The following TRIM33 variants were observed in gnomAD, a reference collection of about 807,000 sequenced individuals.
TRIM33 encodes tripartite motif containing 33.
A neutral mutation model predicts 125.4 loss-of-function variants in TRIM33; 20 were observed. The observed-to-expected ratio is 0.16, with a 90% confidence interval of 0.11 to 0.23. TRIM33 has a LOEUF of 0.23. Among genes scored for constraint, TRIM33 ranks in the 10% least tolerant of loss-of-function variants. The pLI, the probability that TRIM33 is intolerant of heterozygous loss-of-function variation, is 1.00. For missense variants in TRIM33, 920 were observed against 1,411.4 expected, an observed-to-expected ratio of 0.65 and a Z score of 5.58; for synonymous variants, 564 against 513.9, an observed-to-expected ratio of 1.10 and a Z score of -1.32.
At chr1:114,467,919 T>G (rs1650401898) in intron 1 of TRIM33, among the ~76,000 whole-genome samples, 1 of 152,158 alleles carries the variant, frequency 6.6e-6, no homozygotes, top group African/African-American at 2.4e-5. Flanking sequence ...CAGATATATT[T>G]TCAGATAGAG....
chr1:114,403,182 C>T (rs1206519067), intron 15 of TRIM33, among the ~76,000 whole-genome samples: 4 of 152,174 alleles, frequency 2.6e-5, no homozygotes, highest in African/African-American at 9.7e-5. Context: ...AAGACCAATT[C>T]TCTCAGATCC....
At chr1:114,413,558 CAAAAAAA>C (rs34268626) in intron 11 of TRIM33, among the ~76,000 whole-genome samples, 2 of 40,806 alleles carry the variant, frequency 4.9e-5, no homozygotes, top group Non-Finnish European at 8.4e-5. Flanking sequence ...AACTCCATCT[CAAAAAAA>C]AAAAAAAAGA....
Position 114,508,197 on chromosome 1 carries a change from T to G in TRIM33, c.526+2354A>C, listed in dbSNP as rs1049815538. 6.6e-5 allele frequency among the ~76,000 whole-genome samples: 10 copies of G among 152,142 alleles called. 1 individual carries two copies. Among genetic ancestry groups the G allele is most frequent in the African/African-American group, 2.4e-4 (10 of 41,426 alleles). ...ATATTGGTTAGAGAGAAATATTACT[T>G]AAGATTGACAGCATTTGGTTAGTCC... On this transcript the variant is annotated intron_variant, in intron 1 of 19. Transcript: ENST00000358465.
intron 1 of TRIM33, among the ~76,000 whole-genome samples, chr1:114,476,869 G>C (rs897041594): frequency 6.6e-6 from 1 of 152,096 alleles, no homozygotes; most frequent in African/African-American, 2.4e-5. Flanking sequence ...AATCCAGATA[G>C]TTATACAGGA....
intron 1 of TRIM33, among the ~76,000 whole-genome samples, chr1:114,506,950 T>C (rs1316020477): frequency 6.6e-6 from 1 of 152,206 alleles, no homozygotes; most frequent in African/African-American, 2.4e-5. Flanking sequence ...AACCAGTCTC[T>C]GAAGAAACTC....
At chr1:114,404,974 A>G (rs1652142541) in intron 15 of TRIM33, 1 of 153,174 alleles carries the variant, frequency 6.5e-6, no homozygotes, top group South Asian at 2.1e-4. Flanking sequence ...ATCAAGAGAC[A>G]AGAGGTTGCA....
chr1:114,398,479 A>G (rs981278412), intron 18 of TRIM33, among the ~76,000 whole-genome samples: 6 of 152,218 alleles, frequency 3.9e-5, no homozygotes, highest in South Asian at 2.1e-4. Flanking sequence ...ACTGAAAAAT[A>G]AGACAGAATT....
intron 4 of TRIM33, among the ~76,000 whole-genome samples, chr1:114,441,432 T>A (rs1251030808): frequency 6.6e-6 from 1 of 152,214 alleles, no homozygotes; most frequent in Non-Finnish European, 1.5e-5. Flanking sequence ...TACATTTTAA[T>A]TAAGGAGAAA....
At chr1:114,499,992 T>A (rs745493644) in intron 1 of TRIM33, among the ~76,000 whole-genome samples, 1 of 151,986 alleles carries the variant, frequency 6.6e-6, no homozygotes, top group Non-Finnish European at 1.5e-5. Context: ...CATGGTGAAA[T>A]CCTGTCTCTA....
At chr1:114,481,463 C>T (rs968512282) in intron 1 of TRIM33, among the ~76,000 whole-genome samples, 8 of 150,592 alleles carry the variant, frequency 5.3e-5, no homozygotes, top group Admixed American at 3.3e-4. Flanking sequence ...CGGTGGCACA[C>T]GCCTATAATC....
intron 10 of TRIM33, among the ~76,000 whole-genome samples, chr1:114,422,045 A>G (rs890608431): frequency 6.6e-6 from 1 of 152,226 alleles, no homozygotes; most frequent in African/African-American, 2.4e-5. Flanking sequence ...AAGAACAATG[A>G]ATTTACAGAA....
At chr1:114,463,354 G>A in intron 3 of TRIM33, 58 bp downstream of exon 3, 2 of 1,559,554 alleles carry the variant, frequency 1.3e-6, no homozygotes, top group Non-Finnish European at 1.7e-6. Flanking sequence ...AATTCTATAG[G>A]GGCAAAAGAA....
chr1:114,447,214 A>T (rs1649035225), intron 4 of TRIM33, among the ~76,000 whole-genome samples: 1 of 152,222 alleles, frequency 6.6e-6, no homozygotes, highest in Admixed American at 6.5e-5. Flanking sequence ...CTACTGCAGT[A>T]ATCTAGGCAA....
chr1:114,430,971 ACT>A, intron 5 of TRIM33, 59 bp from the exon 6 acceptor site: 1 of 962,894 alleles, frequency 1.0e-6, no homozygotes, highest in South Asian at 1.4e-5. Flanking sequence ...TGAATCATCA[ACT>A]GTTACAGAAA....
At chr1:114,405,192 C>T (rs536614305) in intron 15 of TRIM33, 49 of 475,700 alleles carry the variant, frequency 1.0e-4, no homozygotes, top group African/African-American at 7.6e-4. Flanking sequence ...AAACTAAAGG[C>T]CAGGAGATGA....
chr1:114,508,979 C>G (rs2101591605), intron 1 of TRIM33, among the ~76,000 whole-genome samples: 1 of 152,298 alleles, frequency 6.6e-6, no homozygotes, highest in South Asian at 2.1e-4. Context: ...ACCGTTCCCC[C>G]AAACCAAAAT....
At chr1:114,460,210 T>G (rs887706959) in intron 4 of TRIM33, 1 of 208,720 alleles carries the variant, frequency 4.8e-6, no homozygotes, top group South Asian at 9.2e-5. Context: ...GGCACAACTG[T>G]CCACGTAGGC....
intron 11 of TRIM33, among the ~76,000 whole-genome samples, chr1:114,415,145 C>A (rs892219290): frequency 6.6e-6 from 1 of 151,792 alleles, no homozygotes; most frequent in Non-Finnish European, 1.5e-5. Flanking sequence ...CAGGTCCATG[C>A]CAAGATGCCC....
intron 1 of TRIM33, among the ~76,000 whole-genome samples, chr1:114,466,929 A>G (rs1332525034): frequency 2.0e-5 from 3 of 152,322 alleles, no homozygotes; most frequent in East Asian, 3.9e-4. Flanking sequence ...GTTTATATGT[A>G]TAAGTGTATT....
Sources: gnomAD v4.1 joint callset for allele counts (sites outside exome capture counted in the v4.1 genomes callset) on GRCh38, gnomAD v4.1.1 for gene constraint, MANE v1.5 for transcripts, NCBI Gene and HGNC (gene_info 2026-07-23, HGNC 2026-07-21) for gene names.